GGA3: variants seen among roughly 807,000 people sequenced by gnomAD.
GGA3 encodes golgi associated, gamma adaptin ear containing, ARF binding protein 3.
A neutral mutation model predicts 77.5 loss-of-function variants in GGA3; 57 were observed. That is an observed-to-expected ratio of 0.74 (90% CI 0.59 to 0.92). The LOEUF (loss-of-function observed/expected upper bound fraction) is 0.92. Among genes scored for constraint, GGA3 ranks in the 40% least tolerant of loss-of-function variants. The pLI is 0.00. For missense variants in GGA3, 970 were observed against 914.9 expected (o/e 1.06, Z -0.78); for synonymous variants, 416 against 383.7 (o/e 1.08, Z -0.98).
upstream of GGA3, chr17:75,261,819 G>T: frequency 7.0e-7 from 1 of 1,433,752 alleles, no homozygotes; most frequent in Non-Finnish European, 9.6e-7. Flanking sequence ...TTAGGACCCT[G>T]AGGAGTCTTT....
chr17:75,239,571 C>G lies in GGA3; in HGVS notation c.1584G>C (p.Val528=). Residue 528 remains valine (V), a splice_region_variant and synonymous_variant, in exon 14 of 17, where the codon GTG becomes GTC. Coordinates refer to ENST00000537686, the MANE Select transcript of GGA3 (RefSeq NM_138619.4). ...ALDQLLEEAK[V]TSGLVKPTTS... ...TAGTGGGTTTCACCAAGCCCGAGGT[C>G]CTGGGAGGTGGGAAGGATGGAAAGC... 1 of 1,554,852 alleles carries G rather than the reference C, an allele frequency of 6.4e-7. No homozygotes were observed. The highest frequency in any genetic ancestry group is 8.7e-7 in the Non-Finnish European group (1 of 1,148,784).
In GGA3 at chr17:75,244,693, A is replaced by G. The variant is rs749889234; in HGVS notation, c.226T>C (p.Cys76Arg). Residue 76 changes from cysteine (C) to arginine (R), a missense_variant, in exon 4 of 17, where the codon TGT (cysteine) becomes CGT (arginine). Coordinates refer to ENST00000537686, the MANE Select transcript of GGA3 (RefSeq NM_138619.4). ...LTVLEACMKN[C>R]GRRFHNEVGK... Reference sequence around the variant, plus strand: ...ACTTCGTTATGAAATCTCCTCCCACAGTTCTTCATGCATGCCTCCAGCACC... The same window carrying G: ...ACTTCGTTATGAAATCTCCTCCCACGGTTCTTCATGCATGCCTCCAGCACC... 3 of 1,613,686 alleles carry G rather than the reference A, an allele frequency of 1.9e-6. No homozygotes were observed. The highest frequency in any genetic ancestry group is 2.5e-6 in the Non-Finnish European group (3 of 1,179,670).
intron 1 of GGA3, among the ~76,000 whole-genome samples, chr17:75,250,868 G>A (rs1298003865): frequency 1.3e-5 from 2 of 151,872 alleles, no homozygotes; most frequent in Non-Finnish European, 2.9e-5. Context: ...ACCTGCGTGA[G>A]GTTAGGAGTT....
At position 75,237,824 on chromosome 17, in the gene GGA3, C is replaced by G; in HGVS notation, c.*455G>C. ...GGTTGGCGGGGGAAGCATGGAATTG[C>G]AACAGGGCTGCAGCCCCTTGGGCCG... On this transcript the variant is annotated 3_prime_UTR_variant, in exon 17 of 17. Coordinates refer to ENST00000537686, the MANE Select transcript of GGA3 (RefSeq NM_138619.4). 3 of 1,428,416 alleles carry G rather than the reference C, an allele frequency of 2.1e-6. No homozygotes were observed. Among genetic ancestry groups the G allele is most frequent in the Non-Finnish European group, 2.7e-6 (3 of 1,096,626 alleles). 88.5% of individuals were successfully genotyped at this position (1,428,416 alleles called of 1,614,324 possible).
chr17:75,242,687 C>T, intron 7 of GGA3, 144 bp downstream of exon 7: 1 of 884,740 alleles, frequency 1.1e-6, no homozygotes, highest in Non-Finnish European at 1.8e-6. Context: ...TTGTGCTCCT[C>T]CTCCCACTCT....
chr17:75,256,318 C>T (rs1567806371), intron 1 of GGA3, among the ~76,000 whole-genome samples: 1 of 151,964 alleles, frequency 6.6e-6, no homozygotes, highest in Non-Finnish European at 1.5e-5. Flanking sequence ...TTATTTTCTT[C>T]CTCATACCTG....
In GGA3 at chr17:75,242,934, G is replaced by T. The variant is rs1310946836; in HGVS notation, c.529-23C>A. ...AAGCTGAGAGAGGAGGAAATCAGAG[G>T]TGAAGGGAAGAGGCAGCACCCGTAC... On this transcript the variant is annotated intron_variant, in intron 6 of 16. Transcript: ENST00000537686. The T allele has an allele frequency of 3.1e-6, 5 of 1,597,382 alleles. No individual in the cohort carries two copies. In the South Asian group the frequency reaches 4.4e-5, roughly 14 times the overall value.
intron 1 of GGA3, among the ~76,000 whole-genome samples, chr17:75,248,426 G>C (rs1461324703): frequency 8.5e-6 from 1 of 117,606 alleles, no homozygotes; most frequent in East Asian, 2.8e-4. Flanking sequence ...AGCTGAGATC[G>C]CACCACTGCA....
At chr17:75,250,261 C>G (rs891357744) in intron 1 of GGA3, among the ~76,000 whole-genome samples, 1 of 152,246 alleles carries the variant, frequency 6.6e-6, no homozygotes, top group Admixed American at 6.5e-5. Flanking sequence ...CCCCTCCGGG[C>G]TCTGCTCTGA....
Position 75,261,548 on chromosome 17 carries a change from T to A in GGA3, c.40A>T (p.Asn14Tyr). 6.5e-7 allele frequency: 1 copy of A among 1,533,038 alleles called. No individual in the cohort carries two copies. 95.0% of individuals were successfully genotyped at this position (1,533,038 alleles called of 1,614,324 possible). ...GGCAGAAACGGCCGCGGCTACTCAC[T>A]GAGCCAGGACTCCAGGCTTTCCCCT... The part of the protein sequence containing the change: ...AEGESLESWL[N>Y]KATNPSNRQE... Residue 14 changes from asparagine (N) to tyrosine (Y), a missense_variant and splice_region_variant, in exon 1 of 17, where the codon AAT becomes TAT. Physicochemically the swap from Asn to Tyr is moderately radical, Grantham distance 143. Coordinates refer to ENST00000537686, the MANE Select transcript of GGA3 (RefSeq NM_138619.4).
At chr17:75,250,257 C>A (rs929941066) in intron 1 of GGA3, among the ~76,000 whole-genome samples, 1 of 152,234 alleles carries the variant, frequency 6.6e-6, no homozygotes, top group East Asian at 1.9e-4. Flanking sequence ...ACCGCCCCTC[C>A]GGGCTCTGCT....
At chr17:75,248,342 G>A (rs543580372) in intron 1 of GGA3, among the ~76,000 whole-genome samples, 5 of 151,524 alleles carry the variant, frequency 3.3e-5, no homozygotes, top group African/African-American at 9.7e-5. Context: ...AAGGTGGCGG[G>A]CGCCTGTAGT....
chr17:75,262,011 GGGC>G, upstream of GGA3: 1 of 1,600,628 alleles, frequency 6.2e-7, no homozygotes. Flanking sequence ...AGCGGCGGGG[GGGC>G]GCTGCGAGGA....
Position 75,237,713 on chromosome 17 carries a change from G to A in GGA3, c.*566C>T, listed in dbSNP as rs1297490794. 2 of 1,448,840 alleles carry A rather than the reference G, an allele frequency of 1.4e-6. No homozygotes were observed. The highest frequency in any genetic ancestry group is 2.5e-5 in the East Asian group (1 of 40,090). 89.7% of individuals were successfully genotyped at this position (1,448,840 alleles called of 1,614,324 possible). ...AGGACGATGCTGTCCACCAGAGGCA[G>A]GGCTGGGGACTTTGCAGTATGCCAG... is the stretch of plus-strand genomic sequence containing the variant. On this transcript the variant is annotated 3_prime_UTR_variant, in exon 17 of 17. Transcript: ENST00000537686.
At chr17:75,248,849 G>C (rs78740665) in intron 1 of GGA3, 82,092 of 959,528 alleles carry the variant, frequency 0.086, 3,823 homozygotes, top group Middle Eastern at 0.13. Flanking sequence ...CCAGCTGGAT[G>C]AACACATCAT....
Position 75,238,245 on chromosome 17 carries a change from G to A in GGA3, c.*34C>T. 2 of 1,607,110 alleles carry A rather than the reference G, an allele frequency of 1.2e-6. No individual in the cohort carries two copies. The highest frequency in any genetic ancestry group is 1.7e-6 in the Non-Finnish European group (2 of 1,175,638). On this transcript the variant is annotated 3_prime_UTR_variant, in exon 17 of 17. Transcript: ENST00000537686. ...CTCCTCGTCTCAGGGCAGCCTGCCTGGCTTCAAGGTGGAGATCACAGCGTC... is the reference window on the plus strand; with the variant it reads ...CTCCTCGTCTCAGGGCAGCCTGCCTAGCTTCAAGGTGGAGATCACAGCGTC...
Position 75,237,914 on chromosome 17 carries a change from G to A in GGA3, c.*365C>T, listed in dbSNP as rs2145465326. On this transcript the variant is annotated 3_prime_UTR_variant, in exon 17 of 17. Coordinates refer to ENST00000537686, the MANE Select transcript of GGA3 (RefSeq NM_138619.4). The stretch of plus-strand genomic sequence containing the variant: ...TGACCCATGACAGTCTCTCTTTAGA[G>A]ACTCCCACCCCCCACCCCCCACCCC... 1.6e-6 allele frequency: 2 copies of A among 1,229,614 alleles called. No homozygotes were observed. Among genetic ancestry groups the A allele is most frequent in the Admixed American group, 4.0e-5 (1 of 24,948 alleles). 76.2% of individuals were successfully genotyped at this position (1,229,614 alleles called of 1,614,324 possible).
rs1289079168 is a variant in GGA3, at chr17:75,240,379, T to C, written c.1226A>G (p.Lys409Arg). The change falls in exon 12 of 17, where the codon AAA becomes AGA. Residue 409 changes from lysine (K) to arginine (R), a missense_variant. Lys to Arg is a conservative substitution (Grantham distance 26). Coordinates refer to ENST00000537686, the MANE Select transcript of GGA3 (RefSeq NM_138619.4). ...CCACTGGCTGTTCCCAGCTGACTCT[T>C]TGGGAGGAACATTAGGGGCTGGGTC... ...LADPAPNVPP[K>R]ESAGNSQWHL... is the part of the protein sequence containing the mutation. 2 of 1,601,066 alleles carry C rather than the reference T, an allele frequency of 1.2e-6. No homozygotes were observed. The highest frequency in any genetic ancestry group is 1.3e-5 in the African/African-American group (1 of 74,956).
At position 75,240,776 on chromosome 17, in the gene GGA3, T is replaced by G. The variant is rs751686633; in HGVS notation, c.1192+36A>C. The G allele has an allele frequency of 2.5e-6, 4 of 1,577,006 alleles. No individual in the cohort carries two copies. The African/African-American group carries it at 4.1e-5, about 16-fold the overall frequency. ...ACACACCCTTCCTCCCAGAGCCCTGTCAGGGGATGCCCCTGACGCCCCCTG... is the reference window on the plus strand; with the variant it reads ...ACACACCCTTCCTCCCAGAGCCCTGGCAGGGGATGCCCCTGACGCCCCCTG... On this transcript the variant is annotated intron_variant, in intron 11 of 16. Transcript: ENST00000537686.
Sources: gnomAD v4.1 joint callset for allele counts (sites outside exome capture counted in the v4.1 genomes callset) on GRCh38, gnomAD v4.1.1 for gene constraint, MANE v1.5 for transcripts, NCBI Gene and HGNC (gene_info 2026-07-23, HGNC 2026-07-21) for gene names.